The following ZGPAT variants were observed in gnomAD, a reference collection of about 807,000 sequenced individuals.
ZGPAT encodes zinc finger CCCH-type with G patch domain-containing protein.
In ZGPAT, 39 loss-of-function variants were observed where a neutral mutation model predicts 47.9. The ratio of observed to expected loss-of-function variants is 0.81; its 90% confidence interval spans 0.63 to 1.06. The LOEUF (loss-of-function observed/expected upper bound fraction) is 1.06, where lower values mean the gene tolerates loss of function less well. Among genes scored for constraint, ZGPAT ranks in the 50% least tolerant of loss-of-function variants. The pLI is 0.00. For missense variants in ZGPAT, 717 were observed against 681.4 expected (o/e 1.05, Z -0.58); for synonymous variants, 348 against 292.9 (o/e 1.19, Z -1.92).
At chr20:63,710,267 C>T (rs1056948377) in intron 2 of ZGPAT, among the ~76,000 whole-genome samples, 8 of 151,958 alleles carry the variant, frequency 5.3e-5, no homozygotes, top group African/African-American at 1.9e-4. Flanking sequence ...AATTCTCTAC[C>T]TCAGCGTCCA....
At chr20:63,717,805 G>C (rs998059568) in intron 2 of ZGPAT, among the ~76,000 whole-genome samples, 2 of 152,166 alleles carry the variant, frequency 1.3e-5, no homozygotes, top group Non-Finnish European at 2.9e-5. Flanking sequence ...CACTTTGGGA[G>C]GCCAAGGTGG....
chr20:63,732,997 T>C (rs1471928718), intron 2 of ZGPAT, among the ~76,000 whole-genome samples: 3 of 151,676 alleles, frequency 2.0e-5, no homozygotes, highest in Admixed American at 2.0e-4. Context: ...TATGTGCGTG[T>C]GTATATGTGC....
At chr20:63,731,684 G>C (rs1204387343) in intron 2 of ZGPAT, among the ~76,000 whole-genome samples, 1 of 151,224 alleles carries the variant, frequency 6.6e-6, no homozygotes, top group Non-Finnish European at 1.5e-5. Context: ...GTGCATATGT[G>C]TGTAAAGTAC....
chr20:63,732,868 G>A (rs1434992307), intron 2 of ZGPAT, among the ~76,000 whole-genome samples: 1 of 152,038 alleles, frequency 6.6e-6, no homozygotes, highest in Non-Finnish European at 1.5e-5. Context: ...GTGTATATGC[G>A]CGTGTGCGTA....
intron 2 of ZGPAT, among the ~76,000 whole-genome samples, chr20:63,720,540 C>T (rs533582797): frequency 1.7e-4 from 26 of 152,184 alleles, no homozygotes; most frequent in African/African-American, 2.4e-4. Flanking sequence ...CAGCCTTAAC[C>T]GTCCAGGCTT....
At chr20:63,728,285 C>G (rs566368059) in intron 2 of ZGPAT, among the ~76,000 whole-genome samples, 2 of 152,260 alleles carry the variant, frequency 1.3e-5, no homozygotes, top group Admixed American at 6.5e-5. Flanking sequence ...ATCCGCCCAC[C>G]TCGGCCTCTC....
chr20:63,714,934 C>T (rs1042892140), intron 2 of ZGPAT, among the ~76,000 whole-genome samples: 1 of 152,108 alleles, frequency 6.6e-6, no homozygotes. Flanking sequence ...AGTCACTGCA[C>T]TGCACCCAGC....
rs536652674 is a variant in ZGPAT, at chr20:63,710,061, C to T, written c.584+897C>T. On this transcript the variant is annotated intron_variant, in intron 2 of 6. Coordinates refer to ENST00000355969, the MANE Select transcript of ZGPAT (RefSeq NM_181485.3). ...ATTTTTAGTAGAGACGGGGTTTCAC[C>T]ATGTTAGCCAGGATGGTCTCAATCT... Among the ~76,000 whole-genome samples, 4 of 151,920 alleles carry T rather than the reference C, an allele frequency of 2.6e-5. No homozygotes were observed. In the South Asian group the frequency reaches 6.2e-4, roughly 24 times the overall value.
chr20:63,709,824 CA>C (rs2091640989), intron 2 of ZGPAT, among the ~76,000 whole-genome samples: 1 of 151,852 alleles, frequency 6.6e-6, no homozygotes, highest in African/African-American at 2.4e-5. Flanking sequence ...GCTACAGACT[CA>C]CGCTACTACA....
At chr20:63,723,531 A>T (rs1338895057) in intron 2 of ZGPAT, among the ~76,000 whole-genome samples, 3 of 96,464 alleles carry the variant, frequency 3.1e-5, no homozygotes, top group Non-Finnish European at 6.3e-5. Flanking sequence ...TTCTCCTCTG[A>T]CATAGCTCCA....
At chr20:63,731,430 C>T (rs953527288) in intron 2 of ZGPAT, among the ~76,000 whole-genome samples, 44 of 122,234 alleles carry the variant, frequency 3.6e-4, no homozygotes, top group Non-Finnish European at 5.2e-4. Flanking sequence ...CATGTGCATA[C>T]GTGTGTAAAG....
intron 2 of ZGPAT, among the ~76,000 whole-genome samples, chr20:63,728,600 C>T (rs2091867053): frequency 6.6e-6 from 1 of 152,218 alleles, no homozygotes; most frequent in Non-Finnish European, 1.5e-5. Flanking sequence ...GAGCTGAGCC[C>T]TTCTGTGGCT....
chr20:63,720,566 C>T (rs2091777324), intron 2 of ZGPAT, among the ~76,000 whole-genome samples: 1 of 152,256 alleles, frequency 6.6e-6, no homozygotes, highest in South Asian at 2.1e-4. Flanking sequence ...AGTCTCCCAC[C>T]TTAGTCTCCT....
Position 63,733,374 on chromosome 20 carries a change from T to C in ZGPAT, c.718+22T>C, listed in dbSNP as rs369298680. 7.0e-5 allele frequency: 112 copies of C among 1,605,966 alleles called. No individual in the cohort carries two copies. In the African/African-American group the frequency reaches 1.4e-3, roughly 20 times the overall value. ...ACCGGTGAGGCTGGCCGTGGGGGCC[T>C]CCCGGGAACACCCTCCCAGGCCCCA... On this transcript the variant is annotated intron_variant, in intron 3 of 6. Transcript: ENST00000355969.
At chr20:63,732,160 CGTGTGGGTGACTGCATATGTGTGTGCAT>C (rs1366925178) in intron 2 of ZGPAT, among the ~76,000 whole-genome samples, 1 of 150,992 alleles carries the variant, frequency 6.6e-6, no homozygotes, top group Non-Finnish European at 1.5e-5. Flanking sequence ...TGTGTGTGCG[CGTGTGGGTGACTGCATATGTGTGTGCAT>C]GTGTGGGTGC....
Position 63,735,959 on chromosome 20 carries a change from C to G in ZGPAT, c.*40C>G, listed in dbSNP as rs777901454. 17 of 1,584,844 alleles carry G rather than the reference C, an allele frequency of 1.1e-5. No homozygotes were observed. Among genetic ancestry groups the G allele is most frequent in the Non-Finnish European group, 1.3e-5 (15 of 1,162,442 alleles). ...CTATGGACGAAGCGTGGGACCCCAGCACGGGCTGCCCTCAGGAAGACCAGT... is the reference window on the plus strand; with the variant it reads ...CTATGGACGAAGCGTGGGACCCCAGGACGGGCTGCCCTCAGGAAGACCAGT... On this transcript the variant is annotated 3_prime_UTR_variant, in exon 7 of 7. Coordinates refer to ENST00000355969, the MANE Select transcript of ZGPAT (RefSeq NM_181485.3).
At chr20:63,732,219 G>A (rs1249109913) in intron 2 of ZGPAT, among the ~76,000 whole-genome samples, 3 of 143,496 alleles carry the variant, frequency 2.1e-5, no homozygotes, top group Non-Finnish European at 3.1e-5. Context: ...GTGTGTGCAT[G>A]TTTGGGTGCG....
In ZGPAT at chr20:63,735,514, CCA is replaced by C. The variant is rs2091976181; in HGVS notation, c.1348_1349del (p.Gln450AlafsTer18). ...AGACTGAGGAGAAGATCGAGCGAAC[CCA>C]GCGGGACATCAGGAGCATCCAGGAG... ...FQTEEKIERT[Q>X]RDIRSIQEAL... is the part of the protein sequence containing the mutation. On this transcript the variant is annotated frameshift_variant, in exon 6 of 7. Coordinates refer to ENST00000355969, the MANE Select transcript of ZGPAT (RefSeq NM_181485.3). LOFTEE classifies it high-confidence loss of function. 3 of 1,529,044 alleles carry C rather than the reference CCA, an allele frequency of 2.0e-6. No individual in the cohort carries two copies. Among genetic ancestry groups the C allele is most frequent in the African/African-American group, 2.8e-5 (2 of 71,874 alleles). The allele number at this position is 1,529,044 out of a possible 1,614,324, so 94.7% of individuals were successfully genotyped here. A position where few individuals can be genotyped will look rare whatever the true frequency, so the allele number is the denominator to read the frequency against.
intron 4 of ZGPAT, 34 bp from the exon 5 acceptor site, chr20:63,734,669 CTG>C (rs776905808): frequency 1.8e-5 from 29 of 1,610,170 alleles, no homozygotes; most frequent in Non-Finnish European, 2.5e-5. Context: ...GCCGTGGACT[CTG>C]CACAGTCCTC....
Sources: allele counts gnomAD v4.1 joint callset (sites outside exome capture counted in the v4.1 genomes callset), GRCh38; gene constraint gnomAD v4.1.1; transcripts MANE v1.5; gene names NCBI Gene and HGNC (gene_info 2026-07-23, HGNC 2026-07-21).